MAPK10: variants seen among roughly 807,000 people sequenced by gnomAD.
MAPK10 encodes mitogen-activated protein kinase 10.
In MAPK10, 25 loss-of-function variants were observed where a neutral mutation model predicts 59.3. The ratio of observed to expected loss-of-function variants is 0.42; its 90% CI spans 0.31 to 0.59. The LOEUF is 0.59. Ranked by LOEUF, MAPK10 falls within the 20% of genes least tolerant of loss-of-function variation. The pLI, the probability that MAPK10 is intolerant of heterozygous loss-of-function variation, is 0.15. For missense variants in MAPK10, 351 were observed against 568.9 expected, an observed-to-expected ratio of 0.62 and a Z score of 3.90; for synonymous variants, 190 against 200.5, an observed-to-expected ratio of 0.95 and a Z score of 0.44.
chr4:86,528,763 G>T (rs1037816972), intron 1 of MAPK10, among the ~76,000 whole-genome samples: 1 of 152,100 alleles, frequency 6.6e-6, no homozygotes, highest in African/African-American at 2.4e-5. Context: ...CCTGGTGAAC[G>T]GTAACCCCCC....
intron 1 of MAPK10, among the ~76,000 whole-genome samples, chr4:86,547,332 G>A (rs866276130): frequency 9.9e-5 from 15 of 151,784 alleles, no homozygotes; most frequent in Admixed American, 4.6e-4. Context: ...AGAGGCGCTG[G>A]GGGGAACCAG....
At chr4:86,239,436 T>C (rs1217011487) in intron 2 of MAPK10, among the ~76,000 whole-genome samples, 1 of 152,170 alleles carries the variant, frequency 6.6e-6, no homozygotes, top group East Asian at 1.9e-4. Flanking sequence ...CAGCTCCTCT[T>C]TGTATTTCTG....
chr4:86,309,900 T>C (rs920306349), intron 2 of MAPK10, among the ~76,000 whole-genome samples: 2 of 152,164 alleles, frequency 1.3e-5, no homozygotes, highest in African/African-American at 2.4e-5. Context: ...TTTGAACTGT[T>C]TGAGCCTGTG....
intron 11 of MAPK10, among the ~76,000 whole-genome samples, chr4:86,062,078 GTGAC>G (rs1719441346): frequency 6.6e-6 from 1 of 152,070 alleles, no homozygotes; most frequent in East Asian, 1.9e-4. Context: ...CTTCTTAGTT[GTGAC>G]CACTGTAATG....
intron 2 of MAPK10, among the ~76,000 whole-genome samples, chr4:86,258,430 A>G (rs888706879): frequency 1.3e-5 from 2 of 152,056 alleles, no homozygotes; most frequent in African/African-American, 4.8e-5. Flanking sequence ...AACCCCTTCT[A>G]TGTTGGTTTA....
intron 1 of MAPK10, among the ~76,000 whole-genome samples, chr4:86,533,880 G>T (rs773337677): frequency 2.1e-4 from 32 of 152,112 alleles, no homozygotes; most frequent in South Asian, 4.1e-4. Context: ...CCTGAATTGT[G>T]AGCATGTTTC....
At chr4:86,372,569 A>AAAG (rs1202722328) in intron 1 of MAPK10, among the ~76,000 whole-genome samples, 64 of 59,964 alleles carry the variant, frequency 1.1e-3, no homozygotes, top group African/African-American at 3.5e-3. Flanking sequence ...AGAAAGAAAG[A>AAAG]AAAGAAAAGA....
intron 1 of MAPK10, among the ~76,000 whole-genome samples, chr4:86,425,918 C>T (rs1173831125): frequency 6.6e-6 from 1 of 152,160 alleles, no homozygotes; most frequent in Non-Finnish European, 1.5e-5. Flanking sequence ...TCGCAGTGAG[C>T]CGAGATTGAG....
intron 2 of MAPK10, among the ~76,000 whole-genome samples, chr4:86,336,846 A>T (rs1019065058): frequency 1.7e-4 from 21 of 124,664 alleles, no homozygotes; most frequent in African/African-American, 6.3e-4. Flanking sequence ...GCTGGAGTGC[A>T]GTGGTGCGAT....
At chr4:86,277,631 T>C (rs1459906137) in intron 2 of MAPK10, among the ~76,000 whole-genome samples, 1 of 152,294 alleles carries the variant, frequency 6.6e-6, no homozygotes, top group African/African-American at 2.4e-5. Context: ...TGTTAAGTTA[T>C]ATTTGCAAGC....
intron 4 of MAPK10, among the ~76,000 whole-genome samples, chr4:86,148,001 C>T (rs536553648): frequency 1.3e-5 from 2 of 152,246 alleles, no homozygotes; most frequent in Admixed American, 1.3e-4. Flanking sequence ...ATACACATTA[C>T]ATTATTGATA....
intron 2 of MAPK10, among the ~76,000 whole-genome samples, chr4:86,332,045 C>T (rs2148916007): frequency 6.6e-6 from 1 of 152,220 alleles, no homozygotes; most frequent in East Asian, 1.9e-4. Flanking sequence ...AGCAGATAAT[C>T]TCACACTTTT....
chr4:86,535,273 G>GA (rs1758149439), intron 1 of MAPK10, among the ~76,000 whole-genome samples: 2 of 152,044 alleles, frequency 1.3e-5, no homozygotes, highest in Non-Finnish European at 2.9e-5. Flanking sequence ...AAAATTTACA[G>GA]AAAAAAATAC....
intron 2 of MAPK10, among the ~76,000 whole-genome samples, chr4:86,230,520 T>A (rs1196673067): frequency 6.6e-6 from 1 of 152,188 alleles, no homozygotes; most frequent in Non-Finnish European, 1.5e-5. Flanking sequence ...TCTGCTTACA[T>A]GGAAAAAACC....
intron 11 of MAPK10, among the ~76,000 whole-genome samples, chr4:86,058,554 T>C (rs1291948125): frequency 2.0e-5 from 3 of 149,632 alleles, no homozygotes; most frequent in South Asian, 2.1e-4. Flanking sequence ...CTAGCTCCCA[T>C]TGGACAGGCC....
chr4:86,569,740 G>A (rs1377579720), intron 1 of MAPK10, among the ~76,000 whole-genome samples: 1 of 152,106 alleles, frequency 6.6e-6, no homozygotes, highest in Non-Finnish European at 1.5e-5. Flanking sequence ...ATATGTGAGA[G>A]CTAAACAGTG....
chr4:86,105,602 C>A (rs1446074616), intron 5 of MAPK10, among the ~76,000 whole-genome samples: 2 of 152,118 alleles, frequency 1.3e-5, no homozygotes, highest in Non-Finnish European at 2.9e-5. Flanking sequence ...TTGTATCCAT[C>A]CATTTTTCAT....
chr4:86,111,028 T>G (rs1244316813), intron 4 of MAPK10, among the ~76,000 whole-genome samples: 1 of 152,154 alleles, frequency 6.6e-6, no homozygotes, highest in Non-Finnish European at 1.5e-5. Context: ...GGCTCTCTGC[T>G]TATCTATTGG....
Position 86,122,260 on chromosome 4 carries a change from T to C in MAPK10, c.237-14908A>G, listed in dbSNP as rs555955820. Among the ~76,000 whole-genome samples, 3 of 152,324 alleles carry C rather than the reference T, an allele frequency of 2.0e-5. No homozygotes were observed. In the South Asian group the frequency reaches 6.2e-4, roughly 32 times the overall value. On this transcript the variant is annotated intron_variant, in intron 4 of 13. Coordinates refer to ENST00000641462, the MANE Select transcript of MAPK10 (RefSeq NM_138982.4). ...AGTTTCCCAGGCATTTATCTGCTAA[T>C]GCTTTGGCTAACTATCTCAAAACAC...
Sources: gnomAD v4.1 joint callset for allele counts (sites outside exome capture counted in the v4.1 genomes callset) on GRCh38, gnomAD v4.1.1 for gene constraint, MANE v1.5 for transcripts, NCBI Gene and HGNC (gene_info 2026-07-23, HGNC 2026-07-21) for gene names.